Variants in SORCS1 observed in about 807,000 individuals in gnomAD.
SORCS1 encodes the protein sortilin related VPS10 domain containing receptor 1, also known as VPS10 domain-containing receptor SorCS1.
Under a neutral mutation model 146.1 loss-of-function variants are expected in SORCS1, and 60 were observed. The observed-to-expected ratio is 0.41, with a 90% CI of 0.33 to 0.51. SORCS1 has a LOEUF of 0.51. Among genes scored for constraint, SORCS1 ranks in the 20% least tolerant of loss-of-function variants. The probability of loss-of-function intolerance (pLI) is 0.21; values close to 1 mark genes in which losing one functional copy is unlikely to be tolerated. For synonymous variants in SORCS1, 637 were observed against 584.0 expected (o/e 1.09, Z -1.31); for missense variants, 1,352 against 1,487.6 (o/e 0.91, Z 1.50).
intron 21 of SORCS1, 108 bp downstream of exon 21, chr10:106,618,041 G>A (rs534726460): frequency 2.8e-5 from 40 of 1,447,220 alleles, no homozygotes; most frequent in African/African-American, 9.9e-5. Context: ...ACTGCCCTCC[G>A]TTCTCCAGGT....
intron 2 of SORCS1, among the ~76,000 whole-genome samples, chr10:106,951,294 G>T (rs1589774494): frequency 6.6e-6 from 1 of 151,982 alleles, no homozygotes; most frequent in African/African-American, 2.4e-5. Context: ...GGTGGATCAC[G>T]AGGTCAGGAG....
At chr10:107,033,633 G>C (rs1958766729) in intron 1 of SORCS1, among the ~76,000 whole-genome samples, 1 of 152,172 alleles carries the variant, frequency 6.6e-6, no homozygotes, top group African/African-American at 2.4e-5. Context: ...CCACATAACA[G>C]TTCAATAAGA....
intron 23 of SORCS1, among the ~76,000 whole-genome samples, chr10:106,605,646 T>A: frequency 6.6e-6 from 1 of 152,174 alleles, no homozygotes; most frequent in South Asian, 2.1e-4. Context: ...AGATAATAAT[T>A]TGTAGAGTAT....
intron 18 of SORCS1, among the ~76,000 whole-genome samples, chr10:106,634,377 A>T (rs533360151): frequency 3.3e-5 from 5 of 151,788 alleles, no homozygotes; most frequent in Admixed American, 3.3e-4. Flanking sequence ...ATATTATCTC[A>T]TGTGGATGTT....
In SORCS1 at chr10:106,592,864, G is replaced by A. The variant is rs145926348; in HGVS notation, c.3265+4487C>T. On this transcript the variant is annotated intron_variant, in intron 24 of 25. Transcript: ENST00000263054. ...TAATTTCAACCTAATAAAAGCAATT[G>A]TGGTGGCTCATGCCTGTAATCCCAG... Among the ~76,000 whole-genome samples, 21 of 150,694 alleles carry A rather than the reference G, an allele frequency of 1.4e-4. No homozygotes were observed. In the East Asian group the frequency reaches 3.7e-3, roughly 27 times the overall value.
chr10:106,594,725 A>C (rs926894090), intron 24 of SORCS1, among the ~76,000 whole-genome samples: 3 of 152,226 alleles, frequency 2.0e-5, no homozygotes, highest in African/African-American at 7.2e-5. Flanking sequence ...GTTCATTCAA[A>C]GGCTGCTTAT....
chr10:106,822,266 A>G (rs1948074851), intron 3 of SORCS1, among the ~76,000 whole-genome samples: 1 of 152,194 alleles, frequency 6.6e-6, no homozygotes, highest in Non-Finnish European at 1.5e-5. Context: ...TTTGATTTAT[A>G]TAAACTAATA....
intron 1 of SORCS1, among the ~76,000 whole-genome samples, chr10:106,962,137 T>C (rs1955254598): frequency 6.6e-6 from 1 of 152,106 alleles, no homozygotes; most frequent in Non-Finnish European, 1.5e-5. Context: ...TGGTGGCTCA[T>C]GCCTGTAATC....
the SORCS1 span, among the ~76,000 whole-genome samples, chr10:107,177,451 G>A: frequency 9.2e-5 from 14 of 152,110 alleles, no homozygotes; most frequent in East Asian, 1.9e-4. Flanking sequence ...TCTCATCACC[G>A]CAAAGATCTT....
At chr10:107,100,331 G>A (rs1004224299) in intron 1 of SORCS1, among the ~76,000 whole-genome samples, 2 of 152,124 alleles carry the variant, frequency 1.3e-5, no homozygotes, top group African/African-American at 2.4e-5. Flanking sequence ...GGCTAACACA[G>A]TGAAACCCCG....
At chr10:106,606,653 C>CTGCTGAT (rs1846615657) in intron 23 of SORCS1, among the ~76,000 whole-genome samples, 1 of 152,116 alleles carries the variant, frequency 6.6e-6, no homozygotes, top group Admixed American at 6.5e-5. Flanking sequence ...TAGCCGTTCC[C>CTGCTGAT]TGCTGATATG....
intron 3 of SORCS1, among the ~76,000 whole-genome samples, chr10:106,806,729 A>G (rs1947206484): frequency 6.6e-6 from 1 of 151,662 alleles, no homozygotes; most frequent in Non-Finnish European, 1.5e-5. Context: ...GTTAGCCAGG[A>G]TGGTCTCCAC....
At chr10:106,579,502 A>G in intron 24 of SORCS1, 28 bp from the exon 25 acceptor site, 4 of 1,611,034 alleles carry the variant, frequency 2.5e-6, no homozygotes, top group Non-Finnish European at 3.4e-6. Flanking sequence ...GCAGAGAAAA[A>G]TGAGCAGAGA....
intron 1 of SORCS1, among the ~76,000 whole-genome samples, chr10:106,972,150 G>A (rs912119198): frequency 1.3e-5 from 2 of 152,078 alleles, no homozygotes; most frequent in Non-Finnish European, 2.9e-5. Flanking sequence ...GAGAAGCTGA[G>A]GCAGGTGGAT....
Position 106,829,570 on chromosome 10 carries a change from T to C in SORCS1, c.726+4A>G, listed in dbSNP as rs540852316. 1.9e-5 allele frequency: 30 copies of C among 1,582,622 alleles called. No homozygotes were observed. The South Asian group carries it at 3.3e-4, about 17-fold the overall frequency. On this transcript the variant is annotated splice_donor_region_variant and intron_variant, in intron 3 of 25. Coordinates refer to ENST00000263054, the MANE Select transcript of SORCS1 (RefSeq NM_052918.5). ...GAGTAGCATGCTGAATATACATTTC[T>C]TACCTTACGCTTGTTGGTAGGACAC... is the stretch of plus-strand genomic sequence containing the variant.
intron 1 of SORCS1, among the ~76,000 whole-genome samples, chr10:107,021,513 CAAAAAAAAAAAAAAA>C (rs869141427): frequency 1.0e-4 from 7 of 68,594 alleles, no homozygotes; most frequent in Non-Finnish European, 1.9e-4. Context: ...CACTCCGTCT[CAAAAAAAAAAAAAAA>C]AAAAAAAAAA....
intron 3 of SORCS1, among the ~76,000 whole-genome samples, chr10:106,810,343 T>C (rs1947395566): frequency 6.6e-6 from 1 of 152,208 alleles, no homozygotes; most frequent in South Asian, 2.1e-4. Context: ...TTGCAGGCAA[T>C]GATATATGTT....
intron 24 of SORCS1, among the ~76,000 whole-genome samples, chr10:106,580,403 G>A (rs1298202944): frequency 2.6e-5 from 4 of 152,066 alleles, no homozygotes; most frequent in Non-Finnish European, 5.9e-5. Context: ...AACACTTCTC[G>A]CCACCTCTCC....
chr10:106,841,436 C>T (rs1033763624), intron 2 of SORCS1, among the ~76,000 whole-genome samples: 1 of 151,990 alleles, frequency 6.6e-6, no homozygotes, highest in African/African-American at 2.4e-5. Context: ...CAGCACTGCA[C>T]TCCAGCCTGG....
Sources: allele counts gnomAD v4.1 joint callset (sites outside exome capture counted in the v4.1 genomes callset), GRCh38; gene constraint gnomAD v4.1.1; transcripts MANE v1.5; gene names NCBI Gene and HGNC (gene_info 2026-07-23, HGNC 2026-07-21).